Variants in CHD1 observed in about 807,000 individuals in gnomAD.
CHD1 encodes the protein chromodomain helicase DNA binding protein 1, also known as ATP-dependent chromatin remodeler CHD1.
CHD1 carries 36 observed loss-of-function variants against 224.2 expected under a neutral mutation model. That is an observed-to-expected ratio of 0.16 (90% CI 0.12 to 0.21). The LOEUF (loss-of-function observed/expected upper bound fraction) is 0.21, where lower values mean the gene tolerates loss of function less well. Among genes scored for constraint, CHD1 ranks in the 10% least tolerant of loss-of-function variants. The pLI is 1.00. For synonymous variants in CHD1, 668 were observed against 658.3 expected, an observed-to-expected ratio of 1.01 and a Z score of -0.23; for missense variants, 1,378 against 1,994.8, an observed-to-expected ratio of 0.69 and a Z score of 5.89.
chr5:98,883,844 TATATATATATATATATA>T (rs372036875), intron 18 of CHD1: 542 of 47,598 alleles, frequency 0.011, 3 homozygotes, highest in African/African-American at 0.042. Context: ...TATATATATA[TATATATATATATATATA>T]TTTTTTTTTT....
chr5:98,882,003 C>T lies in CHD1; in HGVS notation c.2839G>A (p.Val947Ile), dbSNP rs1390491827. ...IQRMDTTGKTVLHTGSAPSSS... is the reference protein window; with the variant it reads ...IQRMDTTGKTILHTGSAPSSS... ...GATGGGGCAGAACCTGTATGTAGTACTGTCTTCCCAGTTGTGTCCATTCTT... is the reference window on the plus strand; with the variant it reads ...GATGGGGCAGAACCTGTATGTAGTATTGTCTTCCCAGTTGTGTCCATTCTT... Residue 947 changes from valine to isoleucine, a missense_variant, in exon 20 of 36, where the codon GTA becomes ATA. Transcript: ENST00000614616. The T allele has an allele frequency of 6.2e-7, 1 of 1,613,646 alleles. No homozygotes were observed. Among genetic ancestry groups the T allele is most frequent in the Non-Finnish European group, 8.5e-7 (1 of 1,179,874 alleles).
intron 35 of CHD1, among the ~76,000 whole-genome samples, chr5:98,857,512 GTCT>G (rs1378342920): frequency 6.6e-6 from 1 of 151,994 alleles, no homozygotes; most frequent in Non-Finnish European, 1.5e-5. Context: ...ATACAAAGAT[GTCT>G]TCTAATTTGT....
At position 98,928,824 on chromosome 5, in the gene CHD1, C is replaced by CCGT. The variant is rs1580562340; in HGVS notation, c.-437_-435dup. The stretch of plus-strand genomic sequence containing the variant: ...CCAGTCGTCGCCGCCGCCGCCGCCG[C>CCGT]CGTCGCGCGCGCGCTCCCGCTCCCT... On this transcript the variant is annotated 5_prime_UTR_variant, in exon 1 of 36. Transcript: ENST00000614616. 6.3e-6 allele frequency: 1 copy of CCGT among 159,694 alleles called. No homozygotes were observed. The highest frequency in any genetic ancestry group is 6.5e-5 in the Admixed American group (1 of 15,306). 9.9% of individuals were successfully genotyped at this position (159,694 alleles called of 1,614,324 possible).
rs1209013271 is a variant in CHD1 at position 98,911,147 on chromosome 5, A to C, written c.54-6049T>G. On this transcript the variant is annotated intron_variant, in intron 2 of 35. Transcript: ENST00000614616. ...GCTAAAATGAAAAAAAAAAAAAAAA[A>C]TATATATATATATATATATATATAT... 1.0e-4 allele frequency among the ~76,000 whole-genome samples: 5 copies of C among 47,754 alleles called. No homozygotes were observed. In the South Asian group the frequency reaches 2.2e-3, roughly 21 times the overall value. 31.3% of individuals were successfully genotyped at this position (47,754 alleles called of 152,430 possible).
Position 98,902,890 on chromosome 5 carries a change from A to G in CHD1, c.437+10T>C. The G allele has an allele frequency of 6.4e-7, 1 of 1,558,274 alleles. No homozygotes were observed. The highest frequency in any genetic ancestry group is 8.8e-7 in the Non-Finnish European group (1 of 1,137,098). On this transcript the variant is annotated intron_variant, in intron 5 of 35. Transcript: ENST00000614616. ...TAAAATGAAGTAGTCAGTTGAACAAAATGACATACTCTTTATGCTTTTTCC... is the reference window on the plus strand; with the variant it reads ...TAAAATGAAGTAGTCAGTTGAACAAGATGACATACTCTTTATGCTTTTTCC...
intron 8 of CHD1, 150 bp downstream of exon 8, chr5:98,899,330 G>A (rs1751542525): frequency 5.1e-6 from 3 of 586,236 alleles, no homozygotes; most frequent in African/African-American, 1.9e-5. Context: ...ACCAAGGATA[G>A]AGAAGCTGTG....
At chr5:98,896,499 C>CT in intron 11 of CHD1, 57 bp from the exon 12 acceptor site, 1 of 1,160,972 alleles carries the variant, frequency 8.6e-7, no homozygotes, top group Non-Finnish European at 1.3e-6. Context: ...ACAAAGAAAC[C>CT]TTTTTACATC....
chr5:98,868,391 T>C lies in CHD1; in HGVS notation c.4248+104A>G, dbSNP rs59294148. On this transcript the variant is annotated intron_variant, in intron 31 of 35. Coordinates refer to ENST00000614616, the MANE Select transcript of CHD1 (RefSeq NM_001270.4). ...TTCAAATACATTGCTTTTATCAATC[T>C]ACAATAAATTCAAATGCAGTTCTAA... 3.5e-4 allele frequency: 255 copies of C among 737,522 alleles called. 1 individual carries two copies. The African/African-American group carries it at 4.6e-3, about 13-fold the overall frequency. The allele number at this position is 737,522 out of a possible 1,614,324, so 45.7% of individuals were successfully genotyped here.
At chr5:98,867,795 G>GTTTTTTTTTTTTTTTTTTTTTT (rs71619163) in intron 31 of CHD1, among the ~76,000 whole-genome samples, 1 of 98,064 alleles carries the variant, frequency 1.0e-5, no homozygotes, top group Non-Finnish European at 1.9e-5. Flanking sequence ...TATCTTCCTT[G>GTTTTTTTTTTTTTTTTTTTTTT]TTTTTTTTTT....
chr5:98,907,511 C>A (rs1752118902), intron 2 of CHD1, among the ~76,000 whole-genome samples: 1 of 150,466 alleles, frequency 6.6e-6, no homozygotes, highest in South Asian at 2.1e-4. Flanking sequence ...TCACTTGAAC[C>A]CTGGAGGCGG....
At chr5:98,900,703 C>CA in intron 7 of CHD1, 108 bp downstream of exon 7, 1 of 946,290 alleles carries the variant, frequency 1.1e-6, no homozygotes, top group Non-Finnish European at 1.6e-6. Flanking sequence ...CCATCGGCCT[C>CA]GGCCCCCCAA....
chr5:98,856,481 G>T lies in CHD1; in HGVS notation c.5032C>A (p.Pro1678Thr). The change falls in exon 36 of 36, where the codon CCA becomes ACA. Residue 1678 changes from proline (P) to threonine (T), a missense_variant. Around this residue, in one of 16 missense-constraint regions of CHD1, gnomAD observed 278 missense variants for 298.5 expected, o/e 0.93. Coordinates refer to ENST00000614616, the MANE Select transcript of CHD1 (RefSeq NM_001270.4). Reference sequence around the variant, plus strand: ...CCATAAGGAGATCTCTGATCTAGTGGTGACCTAGGGCCACTGCTGGAAGCT... The same window carrying T: ...CCATAAGGAGATCTCTGATCTAGTGTTGACCTAGGGCCACTGCTGGAAGCT... ...HRASSSGPRSPLDQRSPYGSR... is the reference protein window; with the variant it reads ...HRASSSGPRSTLDQRSPYGSR... The T allele has an allele frequency of 6.2e-7, 1 of 1,613,806 alleles. No homozygotes were observed. The highest frequency in any genetic ancestry group is 8.5e-7 in the Non-Finnish European group (1 of 1,179,750).
rs1301794540 is a variant in CHD1 at position 98,870,789 on chromosome 5, A to T, written c.3876T>A (p.Asp1292Glu). The change falls in exon 29 of 36, where the codon GAT becomes GAA. Residue 1292 changes from aspartate to glutamate, a missense_variant. Asp to Glu is a conservative substitution (Grantham distance 45). Around this residue, in one of 16 missense-constraint regions of CHD1, gnomAD observed 286 missense variants for 445.1 expected, o/e 0.64. Transcript: ENST00000614616. ...GTTTTGCTTGTGGTTTTTTATCGGG[A>T]TCATCTGGAAGAATCTGAAAAAGCA... ...LSLTHKILPDDPDKKPQAKQL... is the reference protein window; with the variant it reads ...LSLTHKILPDEPDKKPQAKQL... 1 of 1,609,600 alleles carries T rather than the reference A, an allele frequency of 6.2e-7. No homozygotes were observed. Among genetic ancestry groups the T allele is most frequent in the Admixed American group, 1.7e-5 (1 of 59,702 alleles).
chr5:98,917,649 C>T (rs780733037), intron 2 of CHD1, among the ~76,000 whole-genome samples: 1 of 152,154 alleles, frequency 6.6e-6, no homozygotes, highest in South Asian at 2.1e-4. Context: ...ATTCTTGTGC[C>T]TTATGCCTCA....
intron 12 of CHD1, among the ~76,000 whole-genome samples, chr5:98,895,075 C>G (rs966362532): frequency 2.0e-5 from 3 of 152,124 alleles, no homozygotes; most frequent in Non-Finnish European, 4.4e-5. Context: ...CCTACCTTGG[C>G]CTCCCAAAGC....
At chr5:98,872,661 C>T in intron 26 of CHD1, 106 bp from the exon 27 acceptor site, 1 of 903,292 alleles carries the variant, frequency 1.1e-6, no homozygotes, top group East Asian at 2.6e-5. Flanking sequence ...AATAAGTATT[C>T]CTTATTTATA....
chr5:98,873,501 T>G, intron 26 of CHD1, 92 bp downstream of exon 26: 1 of 973,452 alleles, frequency 1.0e-6, no homozygotes, highest in Non-Finnish European at 1.4e-6. Context: ...GACTGATGAA[T>G]AAATAATTTA....
At chr5:98,879,171 T>A (rs1749983594) in intron 23 of CHD1, among the ~76,000 whole-genome samples, 1 of 152,288 alleles carries the variant, frequency 6.6e-6, no homozygotes, top group Admixed American at 6.5e-5. Flanking sequence ...GAGGTTAAGG[T>A]TGCAGTGAGC....
intron 2 of CHD1, among the ~76,000 whole-genome samples, chr5:98,911,146 A>AAAAAAAAAAAATATAT (rs1491111295): frequency 2.6e-5 from 1 of 39,142 alleles, no homozygotes; most frequent in Non-Finnish European, 4.5e-5. Context: ...AAAAAAAAAA[A>AAAAAAAAAAAATATAT]ATATATATAT....
Sources: allele counts gnomAD v4.1 joint callset (sites outside exome capture counted in the v4.1 genomes callset), GRCh38; gene constraint gnomAD v4.1.1; regional missense constraint gnomAD v4.1.1; transcripts MANE v1.5; gene names NCBI Gene and HGNC (gene_info 2026-07-23, HGNC 2026-07-21).